Variants in IL21R observed in about 807,000 individuals in gnomAD.
IL21R encodes interleukin-21 receptor.
IL21R carries 14 observed loss-of-function variants against 41.3 expected under a neutral mutation model. The observed-to-expected ratio is 0.34, with a 90% confidence interval of 0.22 to 0.53. IL21R has a LOEUF of 0.53. Among genes scored for constraint, IL21R ranks in the 20% least tolerant of loss-of-function variants. The pLI, the probability that IL21R is intolerant of heterozygous loss-of-function variation, is 0.94. For missense variants in IL21R, 588 were observed against 681.6 expected, an observed-to-expected ratio of 0.86 and a Z score of 1.53; for synonymous variants, 286 against 287.6, an observed-to-expected ratio of 0.99 and a Z score of 0.05.
chr16:27,414,685 A>G (rs1014514549), intron 1 of IL21R, among the ~76,000 whole-genome samples: 1 of 151,238 alleles, frequency 6.6e-6, no homozygotes, highest in African/African-American at 2.4e-5. Context: ...TTATTATTCC[A>G]TTTTTCCTAT....
rs139522801 is a variant in IL21R at position 27,417,636 on chromosome 16, A to G, written c.-16-12420A>G. Among the ~76,000 whole-genome samples, 586 of 131,284 alleles carry G rather than the reference A, an allele frequency of 4.5e-3. 3 individuals are homozygous for G. The highest frequency in any genetic ancestry group is 0.011 in the South Asian group (41 of 3,780). The allele number at this position is 131,284 out of a possible 152,430, so 86.1% of individuals were successfully genotyped here. A position where few individuals can be genotyped will look rare whatever the true frequency, so the allele number is the denominator to read the frequency against. The stretch of plus-strand genomic sequence containing the variant: ...AAACCTAGGTGGTATAGCCTACTAC[A>G]CACCTAGGCTGTATCTTACAGCCTA... On this transcript the variant is annotated intron_variant, in intron 1 of 8. Transcript: ENST00000337929.
chr16:27,449,063 G>A lies in IL21R; in HGVS notation c.1397G>A (p.Gly466Asp). ...GEDWAGGLPW[G>D]GRSPGGVSES... ...GACTGGGCTGGGGGACTGCCCTGGG[G>A]TGGCCGGTCACCTGGAGGGGTCTCA... is the stretch of plus-strand genomic sequence containing the variant. Residue 466 changes from glycine (G) to aspartate (D), a missense_variant, in exon 9 of 9, where the codon GGT (glycine) becomes GAT (aspartate). By Grantham distance (94) the Gly-to-Asp change is moderately conservative. Coordinates refer to ENST00000337929, the MANE Select transcript of IL21R (RefSeq NM_181078.3). 1.2e-6 allele frequency: 2 copies of A among 1,612,912 alleles called. No individual in the cohort carries two copies. The highest frequency in any genetic ancestry group is 2.2e-5 in the South Asian group (2 of 91,062).
intron 3 of IL21R, among the ~76,000 whole-genome samples, chr16:27,436,413 G>C (rs1467327975): frequency 2.0e-5 from 3 of 152,226 alleles, no homozygotes; most frequent in African/African-American, 4.8e-5. Context: ...AGGTCAGTGT[G>C]GCTGGAGTGG....
rs1034249648 is a variant in IL21R at position 27,421,558 on chromosome 16, C to T, written c.-16-8498C>T. ...AATAAACAAATTCATCTCATATTAACATAACTAATGAATTTTGTTAAATTT... is the reference window on the plus strand; with the variant it reads ...AATAAACAAATTCATCTCATATTAATATAACTAATGAATTTTGTTAAATTT... On this transcript the variant is annotated intron_variant, in intron 1 of 8. Coordinates refer to ENST00000337929, the MANE Select transcript of IL21R (RefSeq NM_181078.3). Among the ~76,000 whole-genome samples, 3 of 152,032 alleles carry T rather than the reference C, an allele frequency of 2.0e-5. No homozygotes were observed. The East Asian group carries it at 5.8e-4, about 29-fold the overall frequency.
chr16:27,439,275 GC>G (rs889517520), intron 4 of IL21R, among the ~76,000 whole-genome samples: 3 of 151,586 alleles, frequency 2.0e-5, no homozygotes, highest in African/African-American at 7.3e-5. Flanking sequence ...TGTCTCCCCA[GC>G]CCCAGCCTGC....
intron 1 of IL21R, 112 bp from the exon 2 acceptor site, chr16:27,429,944 A>T: frequency 1.1e-6 from 1 of 876,162 alleles, no homozygotes; most frequent in Non-Finnish European, 1.8e-6. Context: ...CATTTTTCTT[A>T]AGACAGTTCC....
At position 27,432,387 on chromosome 16, in the gene IL21R, G is replaced by A. The variant is rs185530128; in HGVS notation, c.50-1960G>A. ...GTGCACCTCTCACTGCCTCCTGCAC[G>A]CTTTCATAACCCCAGACATGGGATG... On this transcript the variant is annotated intron_variant, in intron 2 of 8. Transcript: ENST00000337929. Among the ~76,000 whole-genome samples the A allele has an allele frequency of 9.2e-5, 14 of 152,272 alleles. No homozygotes were observed. The East Asian group carries it at 1.9e-3, about 21-fold the overall frequency.
Position 27,429,947 on chromosome 16 carries a change from A to AATG in IL21R, c.-16-109_-16-108insATG. On this transcript the variant is annotated intron_variant, in intron 1 of 8. Coordinates refer to ENST00000337929, the MANE Select transcript of IL21R (RefSeq NM_181078.3). ...CTCGGGATCTTGCATTTTTCTTAAG[A>AATG]CAGTTCCAAGAATCAGGGGCAAGTC... is the stretch of plus-strand genomic sequence containing the variant. 2.0e-5 allele frequency: 18 copies of AATG among 901,572 alleles called. No homozygotes were observed. The South Asian group carries it at 2.8e-4, about 14-fold the overall frequency. 55.8% of individuals were successfully genotyped at this position (901,572 alleles called of 1,614,324 possible).
At chr16:27,408,998 T>G (rs1197626254) in intron 1 of IL21R, among the ~76,000 whole-genome samples, 1 of 152,076 alleles carries the variant, frequency 6.6e-6, no homozygotes, top group South Asian at 2.1e-4. Context: ...TGCATTTCTC[T>G]TTGGTTATAT....
Position 27,419,562 on chromosome 16 carries a change from G to A in IL21R, c.-16-10494G>A, listed in dbSNP as rs1183363879. 2.6e-5 allele frequency among the ~76,000 whole-genome samples: 4 copies of A among 152,128 alleles called. No homozygotes were observed. In the East Asian group the frequency reaches 7.7e-4, roughly 29 times the overall value. On this transcript the variant is annotated intron_variant, in intron 1 of 8. Coordinates refer to ENST00000337929, the MANE Select transcript of IL21R (RefSeq NM_181078.3). ...TGTGCCTCAGTCTCACGAATAGCTGGAATTACAAGCACACACCACCGTGCC... is the reference window on the plus strand; with the variant it reads ...TGTGCCTCAGTCTCACGAATAGCTGAAATTACAAGCACACACCACCGTGCC...
In IL21R at chr16:27,439,375, CA is replaced by C. The variant is rs1567369322; in HGVS notation, c.352+1689del. Among the ~76,000 whole-genome samples the C allele has an allele frequency of 5.6e-3, 849 of 151,972 alleles. 12 individuals are homozygous for C. Among genetic ancestry groups the C allele is most frequent in the African/African-American group, 0.019 (804 of 41,426 alleles). ...TCACACATACATACACACACACACACACACACACGTACACAATACACACACA... is the reference window on the plus strand; with the variant it reads ...TCACACATACATACACACACACACACCACACACGTACACAATACACACACA... On this transcript the variant is annotated intron_variant, in intron 4 of 8. Coordinates refer to ENST00000337929, the MANE Select transcript of IL21R (RefSeq NM_181078.3).
chr16:27,425,505 A>G (rs1238503595), intron 1 of IL21R, among the ~76,000 whole-genome samples: 4 of 151,994 alleles, frequency 2.6e-5, no homozygotes, highest in East Asian at 1.9e-4. Context: ...AAGATTCTCA[A>G]TTTGGTGCTA....
chr16:27,445,661 G>T (rs1345814970), intron 7 of IL21R, among the ~76,000 whole-genome samples: 1 of 152,202 alleles, frequency 6.6e-6, no homozygotes, highest in South Asian at 2.1e-4. Flanking sequence ...GGGGCCACTA[G>T]GTGGTGGTGA....
chr16:27,444,649 G>C lies in IL21R; in HGVS notation c.615G>C (p.Met205Ile), dbSNP rs201566028. The C allele has an allele frequency of 1.7e-4, 266 of 1,583,614 alleles. 2 individuals carry two copies. The highest frequency in any genetic ancestry group is 1.4e-3 in the Admixed American group (76 of 55,566). ...AGCTGCAGGTGCGGGCAGGGCCCAT[G>C]CCTGGCTCCTCCTACCAGGGGACCT... The part of the protein sequence containing the change: ...SYELQVRAGP[M>I]PGSSYQGTWS... Residue 205 changes from methionine (M) to isoleucine (I), a missense_variant, in exon 6 of 9, where the codon ATG becomes ATC. Physicochemically the swap from Met to Ile is conservative, Grantham distance 10 (BLOSUM62 1). Coordinates refer to ENST00000337929, the MANE Select transcript of IL21R (RefSeq NM_181078.3).
intron 1 of IL21R, among the ~76,000 whole-genome samples, chr16:27,411,707 G>A (rs966620531): frequency 3.0e-4 from 46 of 151,808 alleles, no homozygotes; most frequent in Non-Finnish European, 5.4e-4. Context: ...CAGGTGATTC[G>A]CCCGCCTCGG....
At chr16:27,434,236 G>T in intron 2 of IL21R, 111 bp from the exon 3 acceptor site, 1 of 699,582 alleles carries the variant, frequency 1.4e-6, no homozygotes. Context: ...ATTTGTCCCG[G>T]CCTGGGGACC....
intron 4 of IL21R, among the ~76,000 whole-genome samples, chr16:27,442,283 C>T (rs1222284513): frequency 2.6e-5 from 4 of 152,032 alleles, no homozygotes; most frequent in Non-Finnish European, 5.9e-5. Flanking sequence ...TAGGCATGTG[C>T]GTGTGTGTTT....
intron 2 of IL21R, among the ~76,000 whole-genome samples, chr16:27,432,423 T>C (rs2087190406): frequency 6.6e-6 from 1 of 152,144 alleles, no homozygotes; most frequent in Non-Finnish European, 1.5e-5. Context: ...GCCCTGGGGC[T>C]CTCTGCCCTG....
intron 1 of IL21R, among the ~76,000 whole-genome samples, chr16:27,419,993 T>C: frequency 6.6e-6 from 1 of 151,856 alleles, no homozygotes; most frequent in African/African-American, 2.4e-5. Context: ...ATTCAAGTGA[T>C]TCTCCTGCCT....
Sources: gnomAD v4.1 joint callset for allele counts (sites outside exome capture counted in the v4.1 genomes callset) on GRCh38, gnomAD v4.1.1 for gene constraint, MANE v1.5 for transcripts, NCBI Gene and HGNC (gene_info 2026-07-23, HGNC 2026-07-21) for gene names.